FUT8: variants seen among roughly 807,000 people sequenced by gnomAD.
FUT8 encodes the protein alpha-(1,6)-fucosyltransferase.
Under a neutral mutation model 71.3 loss-of-function variants are expected in FUT8, and 29 were observed. The ratio of observed to expected loss-of-function variants is 0.41; its 90% CI spans 0.30 to 0.55. The LOEUF (loss-of-function observed/expected upper bound fraction) is 0.55. Ranked by LOEUF, FUT8 falls within the 20% of genes least tolerant of loss-of-function variation. FUT8 has a pLI of 0.34. For synonymous variants in FUT8, 254 were observed against 239.3 expected (o/e 1.06, Z -0.57); for missense variants, 544 against 702.1 (o/e 0.77, Z 2.55).
At position 65,669,331 on chromosome 14, in the gene FUT8, A is replaced by T. The variant is rs762117448; in HGVS notation, c.686A>T (p.Tyr229Phe). 40 of 1,613,814 alleles carry T rather than the reference A, an allele frequency of 2.5e-5. No individual in the cohort carries two copies. Among genetic ancestry groups the T allele is most frequent in the Non-Finnish European group, 3.1e-5 (37 of 1,179,882 alleles). Residue 229 changes from tyrosine to phenylalanine, a missense_variant, in exon 7 of 11, where the codon TAC (tyrosine) becomes TTC (phenylalanine). Physicochemically the swap from Tyr to Phe is conservative, Grantham distance 22 (BLOSUM62 3). Transcript: ENST00000673929. This position sits in a 1 kb window ranked among gnomAD's most constrained non-coding sequence, Gnocchi z 4.5. ...GGCTGTCAGCTCCATCATGTGGTCT[A>T]CTGCTTCATGATTGCATATGGCACC... Reference protein sequence around the residue: ...GYGCQLHHVVYCFMIAYGTQR... With the variant: ...GYGCQLHHVVFCFMIAYGTQR...
At chr14:65,717,891 T>G (rs1895208267) in intron 7 of FUT8, among the ~76,000 whole-genome samples, 1 of 152,232 alleles carries the variant, frequency 6.6e-6, no homozygotes, top group South Asian at 2.1e-4. Context: ...ACTCCTGCTC[T>G]TTTTTGGTTT....
intron 7 of FUT8, among the ~76,000 whole-genome samples, chr14:65,703,759 T>C (rs1894429451): frequency 6.6e-6 from 1 of 152,186 alleles, no homozygotes; most frequent in African/African-American, 2.4e-5. Flanking sequence ...ACTTTTTAGA[T>C]TGGTGGAATT....
rs1229203682 is a variant in FUT8 at position 65,653,920 on chromosome 14, G to T, written c.598-15323G>T. Among the ~76,000 whole-genome samples, 6 of 152,288 alleles carry T rather than the reference G, an allele frequency of 3.9e-5. No homozygotes were observed. In the South Asian group the frequency reaches 1.2e-3, roughly 32 times the overall value. ...AAGTGAGAAAAAGACATTTTCGGAT[G>T]AAAGAAAACTCGGAGACTTCATTGC... On this transcript the variant is annotated intron_variant, in intron 6 of 10. Transcript: ENST00000673929.
At chr14:65,500,766 A>C (rs2066633468) in intron 2 of FUT8, among the ~76,000 whole-genome samples, 1 of 152,236 alleles carries the variant, frequency 6.6e-6, no homozygotes, top group Non-Finnish European at 1.5e-5. Context: ...ACAAAACTGA[A>C]CAATGGCAGA....
At chr14:65,526,057 T>TTCTAATAGACA (rs1444170865) in intron 2 of FUT8, among the ~76,000 whole-genome samples, 20 of 152,040 alleles carry the variant, frequency 1.3e-4, no homozygotes, top group African/African-American at 4.8e-4. Flanking sequence ...GGGTGGGGAG[T>TTCTAATAGACA]TCTGTAGATG....
At chr14:65,629,957 A>G (rs541734046) in intron 6 of FUT8, among the ~76,000 whole-genome samples, 1 of 152,304 alleles carries the variant, frequency 6.6e-6, no homozygotes, top group Admixed American at 6.5e-5. Flanking sequence ...AGTCTTGTAG[A>G]GAATGTATTG....
upstream of FUT8, among the ~76,000 whole-genome samples, chr14:65,406,928 C>A (rs1356974799): frequency 1.3e-5 from 2 of 152,138 alleles, no homozygotes; most frequent in Non-Finnish European, 2.9e-5. Context: ...TTGATTGGAT[C>A]CTGCCATGGG....
chr14:65,360,749 G>A, the FUT8 span, among the ~76,000 whole-genome samples: 1 of 152,158 alleles, frequency 6.6e-6, no homozygotes, highest in Non-Finnish European at 1.5e-5. Flanking sequence ...TGCTATGATG[G>A]GCTGAGCTAC....
chr14:65,422,622 C>T (rs1357623425), intron 1 of FUT8, among the ~76,000 whole-genome samples: 1 of 152,056 alleles, frequency 6.6e-6, no homozygotes, highest in Non-Finnish European at 1.5e-5. Flanking sequence ...CCTCAGCCTC[C>T]CGAATAGCTG....
intron 2 of FUT8, among the ~76,000 whole-genome samples, chr14:65,486,187 A>G (rs1323220468): frequency 1.3e-5 from 2 of 152,170 alleles, no homozygotes; most frequent in Admixed American, 1.3e-4. Context: ...TTGTATTGGC[A>G]ATTTTCTTTC....
At chr14:65,604,314 C>T (rs879498298) in intron 3 of FUT8, among the ~76,000 whole-genome samples, 4 of 151,776 alleles carry the variant, frequency 2.6e-5, no homozygotes, top group African/African-American at 7.2e-5. Context: ...TATTCATCAG[C>T]GCATGGAACT....
intron 5 of FUT8, among the ~76,000 whole-genome samples, chr14:65,620,350 G>A (rs1234946569): frequency 6.6e-6 from 1 of 151,968 alleles, no homozygotes; most frequent in African/African-American, 2.4e-5. Flanking sequence ...TAATATATAG[G>A]GCAGCTGTGC....
chr14:65,679,440 T>C (rs1475248158), intron 7 of FUT8, among the ~76,000 whole-genome samples: 1 of 152,202 alleles, frequency 6.6e-6, no homozygotes, highest in African/African-American at 2.4e-5. Context: ...GGTGTCTCTA[T>C]TTCAGAGGGA....
At chr14:65,496,236 T>A (rs2066557239) in intron 2 of FUT8, among the ~76,000 whole-genome samples, 1 of 152,154 alleles carries the variant, frequency 6.6e-6, no homozygotes, top group African/African-American at 2.4e-5. Context: ...ATATTTTCAG[T>A]CATATTCCTT....
intron 2 of FUT8, among the ~76,000 whole-genome samples, chr14:65,542,605 G>T (rs1388894050): frequency 6.6e-6 from 1 of 152,090 alleles, no homozygotes; most frequent in Non-Finnish European, 1.5e-5. Context: ...CCTTTAAAGG[G>T]CTTTCATGTC....
In FUT8 at chr14:65,676,740, A is replaced by G. The variant is rs541464453; in HGVS notation, c.835+7260A>G. On this transcript the variant is annotated intron_variant, in intron 7 of 10. Coordinates refer to ENST00000673929, the MANE Select transcript of FUT8 (RefSeq NM_001371533.1). Reference sequence around the variant, plus strand: ...TGACCTTCAACTCAAACACCAAAGTATAGAAAAAGAAGATTGCAATCTTTC... The same window carrying G: ...TGACCTTCAACTCAAACACCAAAGTGTAGAAAAAGAAGATTGCAATCTTTC... Among the ~76,000 whole-genome samples, 13 of 152,294 alleles carry G rather than the reference A, an allele frequency of 8.5e-5. No individual in the cohort carries two copies. In the South Asian group the frequency reaches 2.5e-3, roughly 29 times the overall value.
intron 3 of FUT8, among the ~76,000 whole-genome samples, chr14:65,597,243 A>G (rs1193512005): frequency 2.0e-5 from 3 of 152,166 alleles, no homozygotes; most frequent in African/African-American, 7.2e-5. Flanking sequence ...AAATCTCTAT[A>G]TTATTTTTCT....
chr14:65,602,496 T>A (rs1888358472), intron 3 of FUT8, among the ~76,000 whole-genome samples: 1 of 151,112 alleles, frequency 6.6e-6, no homozygotes. Context: ...TGCAAGTATC[T>A]TTTTCGTATA....
chr14:65,562,473 A>G (rs944672792), intron 3 of FUT8, among the ~76,000 whole-genome samples: 2 of 152,138 alleles, frequency 1.3e-5, no homozygotes, highest in Non-Finnish European at 2.9e-5. Context: ...GAAGGCATCA[A>G]CTGTTTGAAA....
Sources: gnomAD v4.1 joint callset for allele counts (sites outside exome capture counted in the v4.1 genomes callset) on GRCh38, gnomAD v4.1.1 for gene constraint, Gnocchi (gnomAD v3.1) non-coding constraint, MANE v1.5 for transcripts, NCBI Gene and HGNC (gene_info 2026-07-23, HGNC 2026-07-21) for gene names.